The following MXRA7 variants were observed in gnomAD, a reference collection of about 807,000 sequenced individuals.
MXRA7 encodes the protein matrix-remodeling-associated protein 7.
In MXRA7, 18 loss-of-function variants were observed where a neutral mutation model predicts 17.4. The ratio of observed to expected loss-of-function variants is 1.03; its 90% CI spans 0.71 to 1.53. The LOEUF (loss-of-function observed/expected upper bound fraction) is 1.53, where lower values mean the gene tolerates loss of function less well. Ranked by LOEUF, MXRA7 falls within the 40% of genes most tolerant of loss-of-function variation. The probability of loss-of-function intolerance (pLI) is 0.00; values close to 1 mark genes in which losing one functional copy is unlikely to be tolerated. For missense variants in MXRA7, 141 were observed against 209.3 expected (o/e 0.67, Z 2.01); for synonymous variants, 70 against 101.7 (o/e 0.69, Z 1.87).
downstream of MXRA7, chr17:76,675,259 G>A (rs2076230919): frequency 6.6e-6 from 1 of 152,194 alleles, no homozygotes; most frequent in Non-Finnish European, 1.5e-5. Flanking sequence ...TGGAAACACA[G>A]GAGCTTTGCA....
chr17:76,683,803 A>C (rs1445714168), intron 3 of MXRA7: 1 of 1,475,072 alleles, frequency 6.8e-7, no homozygotes, highest in Admixed American at 1.7e-5. Context: ...GTTAGCACGC[A>C]GTAGAAGGGG....
At chr17:76,695,588 C>T (rs1047475420) in intron 1 of MXRA7, among the ~76,000 whole-genome samples, 8 of 152,102 alleles carry the variant, frequency 5.3e-5, no homozygotes, top group African/African-American at 1.9e-4. Context: ...AAAGGGAGCT[C>T]AGCTGTGTCT....
Position 76,674,031 on chromosome 17 carries a change from A to G in MXRA7, c.*3557T>C, listed in dbSNP as rs537121852. 3.3e-5 allele frequency: 5 copies of G among 152,560 alleles called. No individual in the cohort carries two copies. The East Asian group carries it at 9.6e-4, about 29-fold the overall frequency. 9.5% of individuals were successfully genotyped at this position (152,560 alleles called of 1,614,324 possible). ...GCCAGCCTGGGGCAGGGTTCTCAGC[A>G]GTGATGGAGGGCAGGGGAGAGATGT... On this transcript the variant is annotated 3_prime_UTR_variant, in exon 4 of 4. Transcript: ENST00000355797.
intron 1 of MXRA7, among the ~76,000 whole-genome samples, chr17:76,698,724 T>C (rs1043145710): frequency 5.6e-5 from 8 of 142,366 alleles, no homozygotes; most frequent in Admixed American, 5.0e-4. Flanking sequence ...TTTTTTTTTT[T>C]TTTTTTTTTT....
downstream of MXRA7, chr17:76,677,290 T>TCAAA (rs113461527): frequency 0.89 from 195,513 of 219,072 alleles, 88,070 homozygotes; most frequent in East Asian, 1. Flanking sequence ...AGACTCCATC[T>TCAAA]CAAACAAACA....
intron 1 of MXRA7, among the ~76,000 whole-genome samples, chr17:76,700,417 T>G (rs757265749): frequency 1.3e-5 from 2 of 148,384 alleles, no homozygotes; most frequent in African/African-American, 4.9e-5. Context: ...ACTCACTACC[T>G]TACAGAGCAG....
intron 2 of MXRA7, 30 bp from the exon 3 acceptor site, chr17:76,685,195 G>GA (rs1476209883): frequency 9.7e-6 from 15 of 1,551,576 alleles, no homozygotes; most frequent in Non-Finnish European, 1.3e-5. Context: ...TAAGTGCCAG[G>GA]AGTGCTGTAG....
intron 1 of MXRA7, among the ~76,000 whole-genome samples, chr17:76,694,695 C>T (rs761064105): frequency 3.9e-5 from 6 of 152,108 alleles, no homozygotes; most frequent in Non-Finnish European, 8.8e-5. Context: ...CGTCAATCCT[C>T]CTACCACAGC....
At chr17:76,701,804 G>A (rs2076594799) in intron 1 of MXRA7, among the ~76,000 whole-genome samples, 1 of 152,136 alleles carries the variant, frequency 6.6e-6, no homozygotes, top group Admixed American at 6.5e-5. Flanking sequence ...GCATCGTCCT[G>A]CATTCCAACC....
intron 1 of MXRA7, chr17:76,688,405 T>G (rs991113087): frequency 9.9e-6 from 14 of 1,409,650 alleles, no homozygotes; most frequent in African/African-American, 2.9e-5. Flanking sequence ...TGTTCTTGAC[T>G]GTGCACCCCA....
chr17:76,690,656 C>T (rs2076470616), intron 1 of MXRA7, among the ~76,000 whole-genome samples: 1 of 151,624 alleles, frequency 6.6e-6, no homozygotes, highest in South Asian at 2.1e-4. Flanking sequence ...AAGAATGTAA[C>T]ATCCTAAATA....
intron 1 of MXRA7, among the ~76,000 whole-genome samples, chr17:76,691,282 C>A (rs1172054643): frequency 6.6e-6 from 1 of 152,236 alleles, no homozygotes; most frequent in Non-Finnish European, 1.5e-5. Context: ...GAAGCTCCTG[C>A]ATTCAGGACC....
intron 3 of MXRA7, 82 bp from the exon 4 acceptor site, chr17:76,680,961 G>C (rs1169552209): frequency 1.1e-5 from 12 of 1,114,012 alleles, no homozygotes; most frequent in Non-Finnish European, 1.3e-5. Flanking sequence ...GGGGAAATGG[G>C]GACGAGGAAG....
exon 4 of MXRA7, chr17:76,673,584 A>T (rs1348702886): frequency 6.6e-6 from 1 of 152,256 alleles, no homozygotes; most frequent in African/African-American, 2.4e-5. Context: ...CCAGTAGATC[A>T]ACTTGGGCTT....
intron 2 of MXRA7, among the ~76,000 whole-genome samples, chr17:76,685,801 A>AGGAC: frequency 6.6e-6 from 1 of 152,364 alleles, no homozygotes; most frequent in Admixed American, 6.5e-5. Context: ...AGAGGAAGCC[A>AGGAC]GGACCTGTGG....
intron 2 of MXRA7, among the ~76,000 whole-genome samples, chr17:76,687,044 G>A (rs932440943): frequency 2.2e-4 from 33 of 152,342 alleles, no homozygotes; most frequent in African/African-American, 7.2e-4. Flanking sequence ...TCCCTCCCGT[G>A]TCCCCAAGTC....
At chr17:76,704,323 A>C (rs1478471301) in intron 1 of MXRA7, among the ~76,000 whole-genome samples, 5 of 143,772 alleles carry the variant, frequency 3.5e-5, no homozygotes, top group Non-Finnish European at 7.5e-5. Context: ...CTCCTGCCTC[A>C]GCCTCTCGAG....
intron 1 of MXRA7, among the ~76,000 whole-genome samples, chr17:76,692,214 A>AG (rs2076484846): frequency 1.6e-5 from 1 of 63,008 alleles, no homozygotes; most frequent in South Asian, 6.3e-4. Flanking sequence ...CCCTGTCACC[A>AG]AAAGAAAAAA....
At chr17:76,684,125 C>T (rs2076352750) in intron 3 of MXRA7, among the ~76,000 whole-genome samples, 1 of 151,994 alleles carries the variant, frequency 6.6e-6, no homozygotes, top group African/African-American at 2.4e-5. Flanking sequence ...GGGCCTGTCA[C>T]CGGCAGAGCA....
Sources: allele counts gnomAD v4.1 joint callset (sites outside exome capture counted in the v4.1 genomes callset), GRCh38; gene constraint gnomAD v4.1.1; transcripts MANE v1.5; gene names NCBI Gene and HGNC (gene_info 2026-07-23, HGNC 2026-07-21).